Variants in RNF150 observed in about 807,000 individuals in gnomAD.
The protein encoded by RNF150 is ring finger protein 150.
Under a neutral mutation model 39.3 loss-of-function variants are expected in RNF150, and 24 were observed. The ratio of observed to expected loss-of-function variants is 0.61; its 90% CI spans 0.44 to 0.86. The LOEUF (loss-of-function observed/expected upper bound fraction) is 0.86. RNF150 is among the 40% of genes least tolerant of loss of function. The pLI is 0.00. For synonymous variants in RNF150, 255 were observed against 227.3 expected (o/e 1.12, Z -1.10); for missense variants, 502 against 587.8 (o/e 0.85, Z 1.51).
At chr4:140,880,769 C>T (rs537739560) in intron 6 of RNF150, among the ~76,000 whole-genome samples, 1 of 152,048 alleles carries the variant, frequency 6.6e-6, no homozygotes, top group South Asian at 2.1e-4. Flanking sequence ...TAACAGATTG[C>T]ATTTGTCTAG....
rs148154280 is a variant in RNF150 at position 141,178,013 on chromosome 4, T to G, written c.-6+34781A>C. ...CTCCAATATTGTATCTCAAAATATC[T>G]ATAAAACTGACAAATCTGGTCAGTT... On this transcript the variant is annotated intron_variant, in intron 1 of 7. Coordinates refer to the RNF150 transcript ENST00000420921. Among the ~76,000 whole-genome samples, 101 of 152,286 alleles carry G rather than the reference T, an allele frequency of 6.6e-4. 1 individual carries two copies. Among genetic ancestry groups the G allele is most frequent in the African/African-American group, 2.3e-3 (94 of 41,564 alleles).
chr4:141,120,107 G>A lies in RNF150; in HGVS notation c.484+12218C>T, dbSNP rs188490680. Among the ~76,000 whole-genome samples the A allele has an allele frequency of 4.6e-5, 7 of 152,258 alleles. No individual in the cohort carries two copies. The East Asian group carries it at 5.8e-4, about 13-fold the overall frequency. ...TACGCCAGGCTCTATAAATACAGCCGTTAAGAAGACAAGAACCAAGCCATC... is the reference window on the plus strand; with the variant it reads ...TACGCCAGGCTCTATAAATACAGCCATTAAGAAGACAAGAACCAAGCCATC... On this transcript the variant is annotated intron_variant, in intron 1 of 6. Transcript: ENST00000515673.
At chr4:141,072,421 C>T (rs1264400333) in intron 1 of RNF150, among the ~76,000 whole-genome samples, 1 of 152,056 alleles carries the variant, frequency 6.6e-6, no homozygotes, top group African/African-American at 2.4e-5. Flanking sequence ...GATTCTAATG[C>T]CCATTGTGTT....
intron 4 of RNF150, among the ~76,000 whole-genome samples, chr4:140,935,021 T>A (rs1222876894): frequency 1.9e-4 from 7 of 36,436 alleles, no homozygotes; most frequent in Non-Finnish European, 2.6e-4. Flanking sequence ...ATATATATAT[T>A]ATATATTTAT....
intron 5 of RNF150, among the ~76,000 whole-genome samples, chr4:140,915,213 T>A (rs901678553): frequency 6.6e-6 from 1 of 152,238 alleles, no homozygotes; most frequent in African/African-American, 2.4e-5. Context: ...GAAAAGCTCT[T>A]TTCAATTTTC....
chr4:141,043,107 AC>A (rs1213663106), intron 1 of RNF150, among the ~76,000 whole-genome samples: 1 of 152,158 alleles, frequency 6.6e-6, no homozygotes, highest in African/African-American at 2.4e-5. Context: ...GTCAGTATGT[AC>A]AAAAAAATTC....
chr4:140,966,424 T>C (rs1733246395), intron 2 of RNF150, among the ~76,000 whole-genome samples: 1 of 151,894 alleles, frequency 6.6e-6, no homozygotes, highest in South Asian at 2.1e-4. Context: ...TAAAAGACAA[T>C]GACAAGCTGA....
intron 1 of RNF150, among the ~76,000 whole-genome samples, chr4:141,061,190 C>T (rs188970540): frequency 1.4e-4 from 22 of 151,810 alleles, no homozygotes; most frequent in Admixed American, 1.2e-3. Context: ...AAAAAAAATG[C>T]TTTGTATCAT....
At chr4:141,158,046 A>G (rs1727441822) in intron 1 of RNF150, among the ~76,000 whole-genome samples, 1 of 152,218 alleles carries the variant, frequency 6.6e-6, no homozygotes, top group African/African-American at 2.4e-5. Context: ...TAATCACAGC[A>G]CTTTGGGAGG....
chr4:141,155,716 C>T (rs1166561565), intron 1 of RNF150, among the ~76,000 whole-genome samples: 1 of 152,088 alleles, frequency 6.6e-6, no homozygotes, highest in African/African-American at 2.4e-5. Context: ...AAATGGAGGA[C>T]ACAAAGACAT....
At position 141,129,302 on chromosome 4, in the gene RNF150, G is replaced by A. The variant is rs141186250; in HGVS notation, c.484+3023C>T. On this transcript the variant is annotated intron_variant, in intron 1 of 6. Coordinates refer to ENST00000515673, the MANE Select transcript of RNF150 (RefSeq NM_020724.2). Reference sequence around the variant, plus strand: ...CAATAAAAAGGGTTTAAGTACTGACGCATGCTACAACCTTGATGAACCTTA... The same window carrying A: ...CAATAAAAAGGGTTTAAGTACTGACACATGCTACAACCTTGATGAACCTTA... 8.5e-4 allele frequency among the ~76,000 whole-genome samples: 130 copies of A among 152,272 alleles called. 2 individuals are homozygous for A. In the South Asian group the frequency reaches 0.012, roughly 14 times the overall value.
intron 1 of RNF150, among the ~76,000 whole-genome samples, chr4:140,973,358 T>C (rs1456546086): frequency 6.6e-6 from 1 of 152,178 alleles, no homozygotes; most frequent in Non-Finnish European, 1.5e-5. Flanking sequence ...AACTCAGTTA[T>C]ATTTGTAATA....
chr4:141,002,245 GA>G (rs993130596), intron 1 of RNF150, among the ~76,000 whole-genome samples: 2 of 150,288 alleles, frequency 1.3e-5, no homozygotes, highest in South Asian at 2.1e-4. Context: ...GGTTTTCCTA[GA>G]TTTTTTTTTT....
chr4:140,958,181 G>A (rs376042965), intron 2 of RNF150, among the ~76,000 whole-genome samples: 2 of 152,216 alleles, frequency 1.3e-5, no homozygotes, highest in East Asian at 3.9e-4. Context: ...GGGAGGATGC[G>A]TTACATGCAA....
At chr4:141,007,827 T>C (rs1309506578) in intron 1 of RNF150, among the ~76,000 whole-genome samples, 1 of 152,158 alleles carries the variant, frequency 6.6e-6, no homozygotes, top group Non-Finnish European at 1.5e-5. Flanking sequence ...CCCAGAGAGG[T>C]ACATAACCAC....
chr4:141,208,363 G>GC (rs751949658), intron 1 of RNF150, among the ~76,000 whole-genome samples: 100 of 151,010 alleles, frequency 6.6e-4, no homozygotes, highest in Middle Eastern at 3.4e-3. Context: ...AATTAAGCAA[G>GC]GAAAAAAAAA....
chr4:140,960,408 T>C (rs755621920), intron 2 of RNF150, among the ~76,000 whole-genome samples: 10 of 152,152 alleles, frequency 6.6e-5, no homozygotes, highest in Non-Finnish European at 1.0e-4. Flanking sequence ...TAAAGGTAAA[T>C]GGGTAGTTTT....
At chr4:140,972,755 T>C (rs1027268508) in intron 1 of RNF150, among the ~76,000 whole-genome samples, 1 of 152,174 alleles carries the variant, frequency 6.6e-6, no homozygotes, top group African/African-American at 2.4e-5. Flanking sequence ...GCAGCCAGCT[T>C]CACAGAGAAG....
In RNF150 at chr4:141,118,295, T is replaced by C. The variant is rs1726494925; in HGVS notation, c.484+14030A>G. On this transcript the variant is annotated intron_variant, in intron 1 of 6. Transcript: ENST00000515673. ...ATTTGAGGCTGCTGCCCTATGACCT[T>C]GGCAATTGAACATAGGTTTTGAATG... Among the ~76,000 whole-genome samples the C allele has an allele frequency of 2.0e-5, 3 of 152,204 alleles. No individual in the cohort carries two copies. In the South Asian group the frequency reaches 6.2e-4, roughly 32 times the overall value.
Sources: gnomAD v4.1 joint callset for allele counts (sites outside exome capture counted in the v4.1 genomes callset) on GRCh38, gnomAD v4.1.1 for gene constraint, MANE v1.5 for transcripts, NCBI Gene and HGNC (gene_info 2026-07-23, HGNC 2026-07-21) for gene names.